Variants in PDE4B observed in about 807,000 individuals in gnomAD.
The protein encoded by PDE4B is phosphodiesterase 4B.
PDE4B carries 20 observed loss-of-function variants against 82.2 expected under a neutral mutation model. The ratio of observed to expected loss-of-function variants is 0.24; its 90% CI spans 0.17 to 0.35. The LOEUF (loss-of-function observed/expected upper bound fraction) is 0.35, where lower values mean the gene tolerates loss of function less well. Ranked by LOEUF, PDE4B falls within the 10% of genes least tolerant of loss-of-function variation. PDE4B has a pLI of 1.00. For synonymous variants in PDE4B, 320 were observed against 318.9 expected (o/e 1.00, Z -0.04); for missense variants, 655 against 907.2 (o/e 0.72, Z 3.57).
At chr1:65,947,908 G>A (rs1648792592) in intron 3 of PDE4B, among the ~76,000 whole-genome samples, 1 of 149,468 alleles carries the variant, frequency 6.7e-6, no homozygotes, top group African/African-American at 2.4e-5. Context: ...AGCAGCCATA[G>A]GAAACTAATA....
intron 1 of PDE4B, among the ~76,000 whole-genome samples, chr1:65,842,567 T>C (rs778940484): frequency 1.3e-5 from 2 of 152,174 alleles, no homozygotes; most frequent in Non-Finnish European, 2.9e-5. Flanking sequence ...AGATATTTAT[T>C]GTTACTGGAT....
chr1:66,014,792 A>C (rs1180092968), intron 3 of PDE4B, among the ~76,000 whole-genome samples: 3 of 152,088 alleles, frequency 2.0e-5, no homozygotes, highest in African/African-American at 7.2e-5. Context: ...ACTGGAATCT[A>C]GTGAGTAGAG....
chr1:66,189,727 C>T (rs1464432322), intron 3 of PDE4B, among the ~76,000 whole-genome samples: 1 of 152,090 alleles, frequency 6.6e-6, no homozygotes, highest in African/African-American at 2.4e-5. Flanking sequence ...TCTAGTTGGC[C>T]ATTCATCTAA....
intron 3 of PDE4B, among the ~76,000 whole-genome samples, chr1:65,955,434 A>G (rs1649205711): frequency 6.6e-6 from 1 of 152,122 alleles, no homozygotes; most frequent in Admixed American, 6.6e-5. Context: ...CTCTTATTGG[A>G]AAAACAACAA....
chr1:66,251,218 T>C (rs377514086), intron 4 of PDE4B, among the ~76,000 whole-genome samples: 2 of 152,344 alleles, frequency 1.3e-5, no homozygotes, highest in East Asian at 3.9e-4. Context: ...TTTACATATG[T>C]TAATTCATTT....
intron 3 of PDE4B, among the ~76,000 whole-genome samples, chr1:65,954,712 G>T (rs1206730082): frequency 6.6e-6 from 1 of 151,970 alleles, no homozygotes; most frequent in Non-Finnish European, 1.5e-5. Context: ...TGCTTAATTT[G>T]ATCAGTTCTC....
intron 1 of PDE4B, among the ~76,000 whole-genome samples, chr1:65,851,386 G>T (rs769043323): frequency 1.3e-5 from 2 of 151,884 alleles, no homozygotes; most frequent in Admixed American, 6.6e-5. Context: ...CATTTGCTGA[G>T]ATTTTGATTT....
intron 1 of PDE4B, among the ~76,000 whole-genome samples, chr1:65,886,679 C>T (rs1646780966): frequency 6.6e-6 from 1 of 152,094 alleles, no homozygotes; most frequent in Non-Finnish European, 1.5e-5. Context: ...ATAATGACCT[C>T]CATTTCCATC....
At chr1:66,029,552 T>G (rs916046032) in intron 3 of PDE4B, among the ~76,000 whole-genome samples, 9 of 152,172 alleles carry the variant, frequency 5.9e-5, no homozygotes, top group African/African-American at 1.9e-4. Context: ...CAGATAAAAA[T>G]GAAAGATGAA....
At chr1:66,024,203 G>C (rs1379278313) in intron 3 of PDE4B, among the ~76,000 whole-genome samples, 1 of 152,064 alleles carries the variant, frequency 6.6e-6, no homozygotes, top group Non-Finnish European at 1.5e-5. Context: ...TCAATAATGG[G>C]TGCAAATAAT....
chr1:66,063,243 A>T (rs534082890), intron 3 of PDE4B, among the ~76,000 whole-genome samples: 114 of 152,160 alleles, frequency 7.5e-4, no homozygotes, highest in African/African-American at 2.6e-3. Flanking sequence ...TTGGAATGAC[A>T]AAAGGTTAGA....
At chr1:66,088,799 C>T (rs894085191) in intron 3 of PDE4B, among the ~76,000 whole-genome samples, 1 of 152,056 alleles carries the variant, frequency 6.6e-6, no homozygotes, top group African/African-American at 2.4e-5. Context: ...GATTTAGCTA[C>T]GTGACTAGCT....
chr1:66,045,319 C>T (rs142824789), intron 3 of PDE4B, among the ~76,000 whole-genome samples: 10 of 151,430 alleles, frequency 6.6e-5, no homozygotes, highest in African/African-American at 2.2e-4. Flanking sequence ...ACTTAGTCAC[C>T]AAATGTCTGT....
chr1:66,212,778 C>A (rs1171208789), intron 3 of PDE4B, among the ~76,000 whole-genome samples: 1 of 152,148 alleles, frequency 6.6e-6, no homozygotes, highest in Non-Finnish European at 1.5e-5. Flanking sequence ...CTGCTATAGA[C>A]TCCATACAAC....
chr1:65,955,113 T>C (rs1345830785), intron 3 of PDE4B, among the ~76,000 whole-genome samples: 3 of 152,102 alleles, frequency 2.0e-5, no homozygotes, highest in Non-Finnish European at 4.4e-5. Context: ...TACAAGAATC[T>C]TCTGCTTTAG....
chr1:65,930,680 T>G lies in PDE4B; in HGVS notation c.281+11845T>G, dbSNP rs192969227. On this transcript the variant is annotated intron_variant, in intron 3 of 16. Coordinates refer to ENST00000341517, the MANE Select transcript of PDE4B (RefSeq NM_002600.4). ...CTGTTCTTTTGGCTGATTTCTCTCTTTTGGAATGGAAGTATTTACCCAATG... is the reference window on the plus strand; with the variant it reads ...CTGTTCTTTTGGCTGATTTCTCTCTGTTGGAATGGAAGTATTTACCCAATG... Among the ~76,000 whole-genome samples the G allele has an allele frequency of 7.2e-5, 11 of 152,354 alleles. No homozygotes were observed. The East Asian group carries it at 2.1e-3, about 29-fold the overall frequency.
chr1:65,943,868 A>G (rs1216896543), intron 3 of PDE4B, among the ~76,000 whole-genome samples: 3 of 151,938 alleles, frequency 2.0e-5, no homozygotes, highest in African/African-American at 7.2e-5. Context: ...ATTTTGTTTA[A>G]TAGTTCTAAT....
chr1:66,024,622 C>T (rs1248458472), intron 3 of PDE4B, among the ~76,000 whole-genome samples: 1 of 152,048 alleles, frequency 6.6e-6, no homozygotes, highest in Non-Finnish European at 1.5e-5. Context: ...ATTTTCTGAG[C>T]CCTACAAATG....
intron 3 of PDE4B, among the ~76,000 whole-genome samples, chr1:66,153,087 T>A (rs1570354163): frequency 6.6e-6 from 1 of 152,200 alleles, no homozygotes; most frequent in Non-Finnish European, 1.5e-5. Flanking sequence ...ACAAGGTCCT[T>A]TGACACATGG....
Sources: allele counts gnomAD v4.1 joint callset (sites outside exome capture counted in the v4.1 genomes callset), GRCh38; gene constraint gnomAD v4.1.1; transcripts MANE v1.5; gene names NCBI Gene and HGNC (gene_info 2026-07-23, HGNC 2026-07-21).